The following UBE2K variants were observed in gnomAD, a reference collection of about 807,000 sequenced individuals.
The protein encoded by UBE2K is ubiquitin-conjugating enzyme E2 K.
In UBE2K, 6 loss-of-function variants were observed where a neutral mutation model predicts 30.0. The ratio of observed to expected loss-of-function variants is 0.20; its 90% CI spans 0.11 to 0.39. The LOEUF (loss-of-function observed/expected upper bound fraction) is 0.39, where lower values mean the gene tolerates loss of function less well. UBE2K is among the 10% of genes least tolerant of loss of function. The pLI is 1.00. For missense variants in UBE2K, 61 were observed against 241.6 expected, an observed-to-expected ratio of 0.25 and a Z score of 4.96; for synonymous variants, 86 against 83.7, an observed-to-expected ratio of 1.03 and a Z score of -0.15.
chr4:39,698,152 G>A lies in UBE2K; in HGVS notation c.-176G>A. On this transcript the variant is annotated 5_prime_UTR_variant, in exon 1 of 7. Transcript: ENST00000261427. ...CGACCCGGCGCCATTTTGGTGGCCG[G>A]GCGCGGAGGTGATTCCACACTGAGG... 4 of 667,446 alleles carry A rather than the reference G, an allele frequency of 6.0e-6. No homozygotes were observed. The highest frequency in any genetic ancestry group is 8.1e-6 in the Non-Finnish European group (3 of 371,662). The allele number at this position is 667,446 out of a possible 1,614,324, so 41.3% of individuals were successfully genotyped here.
intron 1 of UBE2K, among the ~76,000 whole-genome samples, chr4:39,714,614 T>G (rs1197447074): frequency 2.8e-5 from 4 of 141,548 alleles, no homozygotes; most frequent in African/African-American, 1.1e-4. Context: ...TGGCGTGATC[T>G]CAGCCCACTG....
intron 3 of UBE2K, among the ~76,000 whole-genome samples, chr4:39,755,078 T>C (rs1389093132): frequency 3.3e-5 from 5 of 152,206 alleles, no homozygotes; most frequent in Admixed American, 6.5e-5. Flanking sequence ...TACATTGTGC[T>C]CTGTTTAGCT....
intron 1 of UBE2K, among the ~76,000 whole-genome samples, chr4:39,718,918 TC>T (rs1340428889): frequency 6.6e-6 from 1 of 152,246 alleles, no homozygotes. Context: ...GGGAGCTGGC[TC>T]CGGCCTCGGC....
intron 3 of UBE2K, among the ~76,000 whole-genome samples, chr4:39,750,151 A>G (rs1312937104): frequency 2.0e-5 from 3 of 151,976 alleles, no homozygotes; most frequent in African/African-American, 7.3e-5. Context: ...CTAAGATCGC[A>G]CCACTGCACT....
intron 1 of UBE2K, among the ~76,000 whole-genome samples, chr4:39,700,110 G>A (rs139784436): frequency 7.0e-4 from 106 of 152,184 alleles, no homozygotes; most frequent in African/African-American, 2.2e-3. Flanking sequence ...TTTATTTTCT[G>A]TTACTTACGG....
chr4:39,749,696 A>C (rs900620001), intron 3 of UBE2K, among the ~76,000 whole-genome samples: 1 of 151,936 alleles, frequency 6.6e-6, no homozygotes, highest in Non-Finnish European at 1.5e-5. Flanking sequence ...AAAAGAAATT[A>C]AGTTGTGAAT....
At chr4:39,706,423 C>T (rs1718368236) in intron 1 of UBE2K, among the ~76,000 whole-genome samples, 1 of 151,058 alleles carries the variant, frequency 6.6e-6, no homozygotes, top group Admixed American at 6.6e-5. Context: ...CTGGGCCTCC[C>T]AAAGTGCTTG....
intron 4 of UBE2K, among the ~76,000 whole-genome samples, chr4:39,762,936 CTT>C (rs869207095): frequency 0.012 from 945 of 78,544 alleles, 3 homozygotes; most frequent in Middle Eastern, 0.031. Flanking sequence ...CCAAAAAACA[CTT>C]TTTTTTTTTT....
intron 3 of UBE2K, among the ~76,000 whole-genome samples, chr4:39,746,137 CT>C (rs1720977609): frequency 6.6e-6 from 1 of 152,054 alleles, no homozygotes; most frequent in African/African-American, 2.4e-5. Context: ...GAGGTTCTTA[CT>C]TGACTCAAAG....
intron 1 of UBE2K, among the ~76,000 whole-genome samples, chr4:39,703,831 C>T (rs1279097833): frequency 3.4e-5 from 4 of 116,400 alleles, no homozygotes; most frequent in African/African-American, 1.0e-4. Flanking sequence ...GGCGACAGAG[C>T]GAGACTCCAT....
Position 39,708,531 on chromosome 4 carries a change from C to T in UBE2K, c.63+10141C>T, listed in dbSNP as rs377293860. ...AGTTACTTTCCTGACTTCTAATAAC[C>T]GATTAGTTTTGAGTATGTTTGAGTA... On this transcript the variant is annotated intron_variant, in intron 1 of 6. Coordinates refer to ENST00000261427, the MANE Select transcript of UBE2K (RefSeq NM_005339.5). Among the ~76,000 whole-genome samples, 23 of 151,958 alleles carry T rather than the reference C, an allele frequency of 1.5e-4. 1 individual carries two copies. Among genetic ancestry groups the T allele is most frequent in the Non-Finnish European group, 2.4e-4 (16 of 67,938 alleles).
At chr4:39,744,534 C>T (rs997642358) in intron 2 of UBE2K, among the ~76,000 whole-genome samples, 1 of 151,980 alleles carries the variant, frequency 6.6e-6, no homozygotes, top group African/African-American at 2.4e-5. Flanking sequence ...CAAAACGAAA[C>T]AAAAAGTTGC....
intron 4 of UBE2K, among the ~76,000 whole-genome samples, chr4:39,774,564 G>C (rs911916284): frequency 9.2e-5 from 14 of 151,588 alleles, no homozygotes; most frequent in Admixed American, 6.6e-4. Flanking sequence ...AGTGAACCGA[G>C]ACTATACCAC....
At chr4:39,734,543 A>G (rs1244802746) in intron 1 of UBE2K, among the ~76,000 whole-genome samples, 31 of 152,140 alleles carry the variant, frequency 2.0e-4, no homozygotes, top group Admixed American at 2.0e-3. Context: ...CACACCTGTA[A>G]TCGCAGCACT....
chr4:39,777,753 T>C lies in UBE2K; in HGVS notation c.471T>C (p.Val157=). The part of the protein sequence containing the change: ...LWAHVYAGAP[V]SSPEYTKKIE... ...CACATGTGTATGCTGGAGCACCAGT[T>C]TCTAGTCCAGAATACACCAAAAAAA... The change falls in exon 6 of 7, where the codon GTT becomes GTC. Residue 157 remains valine (V), a synonymous_variant. Coordinates refer to ENST00000261427, the MANE Select transcript of UBE2K (RefSeq NM_005339.5). 1.3e-6 allele frequency: 2 copies of C among 1,569,842 alleles called. No homozygotes were observed. The highest frequency in any genetic ancestry group is 1.7e-6 in the Non-Finnish European group (2 of 1,165,478).
At chr4:39,699,726 A>G (rs538698117) in intron 1 of UBE2K, among the ~76,000 whole-genome samples, 56 of 152,330 alleles carry the variant, frequency 3.7e-4, no homozygotes, top group African/African-American at 1.3e-3. Flanking sequence ...TCAGCATTCT[A>G]AGTATGTGAT....
intron 4 of UBE2K, among the ~76,000 whole-genome samples, chr4:39,757,032 GT>G (rs71194912): frequency 0.22 from 24,412 of 108,792 alleles, 5,177 homozygotes; most frequent in African/African-American, 0.5. Context: ...TTTGTTTTTT[GT>G]TTTTTTTTTG....
intron 2 of UBE2K, among the ~76,000 whole-genome samples, chr4:39,739,149 T>G (rs1364293610): frequency 6.6e-6 from 1 of 151,984 alleles, no homozygotes. Flanking sequence ...TGCCTCAGCC[T>G]TCCGAGCAGC....
chr4:39,775,073 T>G, intron 5 of UBE2K, 140 bp downstream of exon 5: 1 of 484,778 alleles, frequency 2.1e-6, no homozygotes, highest in Non-Finnish European at 3.6e-6. Context: ...TAGGATTATT[T>G]TGTCAGGTGT....
Sources: gnomAD v4.1 joint callset for allele counts (sites outside exome capture counted in the v4.1 genomes callset) on GRCh38, gnomAD v4.1.1 for gene constraint, MANE v1.5 for transcripts, NCBI Gene and HGNC (gene_info 2026-07-23, HGNC 2026-07-21) for gene names.